Variants in DIP2A observed in about 807,000 individuals in gnomAD.
DIP2A encodes the protein DIP2 acetate--CoA ligase A, also known as disco-interacting protein 2 homolog A.
A neutral mutation model predicts 177.4 loss-of-function variants in DIP2A; 85 were observed. The ratio of observed to expected loss-of-function variants is 0.48; its 90% CI spans 0.40 to 0.57. DIP2A has a LOEUF of 0.57. Among genes scored for constraint, DIP2A ranks in the 20% least tolerant of loss-of-function variants. The pLI, the probability that DIP2A is intolerant of heterozygous loss-of-function variation, is 0.00. For missense variants in DIP2A, 1,791 were observed against 2,100.2 expected (o/e 0.85, Z 2.88); for synonymous variants, 886 against 881.8 (o/e 1.00, Z -0.08).
At chr21:46,524,115 A>G (rs946798570) in intron 8 of DIP2A, among the ~76,000 whole-genome samples, 2 of 152,212 alleles carry the variant, frequency 1.3e-5, no homozygotes, top group Non-Finnish European at 2.9e-5. Flanking sequence ...ATGTTCCATG[A>G]TCCTGTACAT....
At chr21:46,538,398 G>C (rs569341030) in intron 15 of DIP2A, 85 bp from the exon 16 acceptor site, 2 of 1,486,184 alleles carry the variant, frequency 1.3e-6, no homozygotes, top group East Asian at 5.0e-5. Context: ...ACACCTCTCT[G>C]TGGGATGAGG....
chr21:46,552,035 C>G, intron 25 of DIP2A, 131 bp downstream of exon 25: 3 of 1,090,742 alleles, frequency 2.8e-6, no homozygotes, highest in Admixed American at 4.0e-5. Context: ...TGGACTCAGC[C>G]CCCGTCCTGG....
Position 46,533,660 on chromosome 21 carries a change from A to G in DIP2A, c.1429+13A>G, listed in dbSNP as rs757625727. 4 of 1,613,974 alleles carry G rather than the reference A, an allele frequency of 2.5e-6. No homozygotes were observed. The Admixed American group carries it at 6.7e-5, about 27-fold the overall frequency. ...GCAGCTTTCAAAGGTGAGGCCTCCC[A>G]AGGGAAGGGGAGTCAGTGTTCTGAC... On this transcript the variant is annotated intron_variant, in intron 11 of 37. Coordinates refer to ENST00000417564, the MANE Select transcript of DIP2A (RefSeq NM_015151.4).
Position 46,491,147 on chromosome 21 carries a change from C to T in DIP2A, c.283+428C>T, listed in dbSNP as rs965740746. 1.8e-4 allele frequency among the ~76,000 whole-genome samples: 28 copies of T among 152,138 alleles called. No individual in the cohort carries two copies. The East Asian group carries it at 3.7e-3, about 20-fold the overall frequency. On this transcript the variant is annotated intron_variant, in intron 3 of 37. Transcript: ENST00000417564. ...TTTCCTTCCAATTAGATTTCTGCCA[C>T]TCTGTTTGGCAGTGCTTTTATGAAT...
At chr21:46,548,750 T>A (rs55926754) in intron 21 of DIP2A, among the ~76,000 whole-genome samples, 28,247 of 151,884 alleles carry the variant, frequency 0.19, 3,100 homozygotes, top group African/African-American at 0.3. Context: ...TGTTTAGTGG[T>A]GGTTAGGGAT....
chr21:46,566,815 G>A, intron 37 of DIP2A, 132 bp downstream of exon 37: 1 of 1,213,772 alleles, frequency 8.2e-7, no homozygotes, highest in Non-Finnish European at 1.1e-6. Context: ...TTGTCACCCT[G>A]GTCTGCAGTG....
chr21:46,578,908 C>T, the DIP2A span, among the ~76,000 whole-genome samples: 2 of 152,128 alleles, frequency 1.3e-5, no homozygotes, highest in Non-Finnish European at 2.9e-5. Context: ...TCATATTGGT[C>T]TGAAGTTTTG....
At chr21:46,479,743 A>G (rs1041197599) in intron 1 of DIP2A, among the ~76,000 whole-genome samples, 1 of 152,110 alleles carries the variant, frequency 6.6e-6, no homozygotes, top group African/African-American at 2.4e-5. Flanking sequence ...ATGTTGCCCA[A>G]GGTGGCTTCT....
intron 21 of DIP2A, among the ~76,000 whole-genome samples, chr21:46,547,413 A>T (rs2060097111): frequency 6.6e-6 from 1 of 152,184 alleles, no homozygotes; most frequent in South Asian, 2.1e-4. Flanking sequence ...TGCGAGACAC[A>T]TGACACCCTC....
intron 8 of DIP2A, among the ~76,000 whole-genome samples, chr21:46,512,041 G>A (rs2058337012): frequency 6.6e-6 from 1 of 152,066 alleles, no homozygotes; most frequent in Non-Finnish European, 1.5e-5. Context: ...AAGCAGAAGT[G>A]TTGCTAGGTT....
intron 3 of DIP2A, among the ~76,000 whole-genome samples, chr21:46,495,816 A>G (rs958949826): frequency 6.6e-6 from 1 of 151,958 alleles, no homozygotes; most frequent in African/African-American, 2.4e-5. Context: ...GCTTACACCT[A>G]TAATCCCAGC....
intron 1 of DIP2A, among the ~76,000 whole-genome samples, chr21:46,480,410 G>A (rs1422912894): frequency 6.6e-6 from 1 of 152,184 alleles, no homozygotes; most frequent in Non-Finnish European, 1.5e-5. Context: ...CATGACACGT[G>A]GGGATTATTA....
At chr21:46,469,595 G>A (rs2055173564) in intron 1 of DIP2A, among the ~76,000 whole-genome samples, 1 of 152,224 alleles carries the variant, frequency 6.6e-6, no homozygotes, top group African/African-American at 2.4e-5. Flanking sequence ...TCGCCATGCT[G>A]TGGGTCCACA....
At position 46,556,965 on chromosome 21, in the gene DIP2A, A is replaced by T; in HGVS notation, c.3525A>T (p.Leu1175Phe). ...VKMSHAATSA[L>F]CRSIKLQCEL... ...TGTCGCACGCGGCCACAAGCGCCTT[A>T]TGCCGCTCCATAAAGCTGCAGTGTG... is the stretch of plus-strand genomic sequence containing the variant. Residue 1175 changes from leucine to phenylalanine, a missense_variant, in exon 30 of 38, where the codon TTA (leucine) becomes TTT (phenylalanine). Transcript: ENST00000417564. The surrounding 1 kb of genome is among the most constrained non-coding windows in gnomAD (Gnocchi z 4.5). 1 of 1,592,512 alleles carries T rather than the reference A, an allele frequency of 6.3e-7. No homozygotes were observed. Among genetic ancestry groups the T allele is most frequent in the Middle Eastern group, 1.7e-4 (1 of 5,960 alleles).
intron 37 of DIP2A, 121 bp downstream of exon 37, chr21:46,566,804 A>G: frequency 7.6e-7 from 1 of 1,316,284 alleles, no homozygotes; most frequent in Middle Eastern, 2.1e-4. Flanking sequence ...GGCCTCCTGC[A>G]TTGTCACCCT....
chr21:46,577,859 A>G, the DIP2A span, among the ~76,000 whole-genome samples: 18 of 152,286 alleles, frequency 1.2e-4, no homozygotes, highest in Admixed American at 7.2e-4. Context: ...TTCCCTTGTT[A>G]ACTGTATTCC....
At position 46,563,778 on chromosome 21, in the gene DIP2A, A is replaced by T; in HGVS notation, c.4090-80A>T. The T allele has an allele frequency of 6.4e-7, 1 of 1,555,174 alleles. No individual in the cohort carries two copies. The highest frequency in any genetic ancestry group is 1.2e-5 in the South Asian group (1 of 84,048). ...AGTCCTGCAGGCCAGCTTCTGAGGGACGTTATTTTAATGTCACTGAATCAA... is the reference window on the plus strand; with the variant it reads ...AGTCCTGCAGGCCAGCTTCTGAGGGTCGTTATTTTAATGTCACTGAATCAA... On this transcript the variant is annotated intron_variant, in intron 34 of 37. Transcript: ENST00000417564. The surrounding 1 kb of genome is among the most constrained non-coding windows in gnomAD (Gnocchi z 4.3).
At chr21:46,486,964 A>G (rs1449306999) in intron 2 of DIP2A, among the ~76,000 whole-genome samples, 1 of 152,236 alleles carries the variant, frequency 6.6e-6, no homozygotes, top group Admixed American at 6.5e-5. Context: ...TTACAAAGGC[A>G]TATAGCCAAT....
At chr21:46,575,274 C>T in the DIP2A span, among the ~76,000 whole-genome samples, 4 of 152,114 alleles carry the variant, frequency 2.6e-5, no homozygotes, top group Non-Finnish European at 5.9e-5. Flanking sequence ...AAGGAAACTA[C>T]TTCAACATAA....
Sources: allele counts gnomAD v4.1 joint callset (sites outside exome capture counted in the v4.1 genomes callset), GRCh38; gene constraint gnomAD v4.1.1; non-coding constraint Gnocchi (gnomAD v3.1); transcripts MANE v1.5; gene names NCBI Gene and HGNC (gene_info 2026-07-23, HGNC 2026-07-21).